Variants in ST3GAL3 observed in about 807,000 individuals in gnomAD.
ST3GAL3 encodes the protein CMP-N-acetylneuraminate-beta-1,4-galactoside alpha-2,3-sialyltransferase.
In ST3GAL3, 21 loss-of-function variants were observed where a neutral mutation model predicts 50.1. The observed-to-expected ratio is 0.42, with a 90% CI of 0.30 to 0.60. The LOEUF is 0.60. ST3GAL3 is among the 20% of genes least tolerant of loss of function. The pLI, the probability that ST3GAL3 is intolerant of heterozygous loss-of-function variation, is 0.19. For missense variants in ST3GAL3, 353 were observed against 489.4 expected (o/e 0.72, Z 2.63); for synonymous variants, 183 against 190.0 (o/e 0.96, Z 0.30).
rs911794195 is a variant in ST3GAL3 at position 43,733,865 on chromosome 1, C to T, written c.-30-2368C>T. Among the ~76,000 whole-genome samples, 106 of 152,346 alleles carry T rather than the reference C, an allele frequency of 7.0e-4. 2 individuals carry two copies. Among genetic ancestry groups the T allele is most frequent in the African/African-American group, 2.5e-3 (105 of 41,574 alleles). ...GCGTGGTGGCTCACGCCTGTAATCC[C>T]AGCACTTTGGGAGGCCGAGGTGGGT... On this transcript the variant is annotated intron_variant, in intron 1 of 11. Transcript: ENST00000347631.
At chr1:43,780,914 A>G (rs1699163699) in intron 2 of ST3GAL3, among the ~76,000 whole-genome samples, 2 of 152,018 alleles carry the variant, frequency 1.3e-5, no homozygotes, top group Non-Finnish European at 1.5e-5. Flanking sequence ...ACTTTCCTCT[A>G]ATGCCTCAAA....
intron 1 of ST3GAL3, among the ~76,000 whole-genome samples, chr1:43,729,269 T>C (rs888977821): frequency 6.6e-6 from 1 of 151,864 alleles, no homozygotes; most frequent in African/African-American, 2.4e-5. Context: ...AGACAATTTT[T>C]TGTAAAGACT....
chr1:43,868,856 A>G (rs1484861937), intron 5 of ST3GAL3, among the ~76,000 whole-genome samples: 1 of 152,156 alleles, frequency 6.6e-6, no homozygotes, highest in Non-Finnish European at 1.5e-5. Flanking sequence ...AGATGGAAAT[A>G]GTCTCCCACA....
At chr1:43,762,650 T>C (rs1690969064) in intron 2 of ST3GAL3, among the ~76,000 whole-genome samples, 1 of 152,200 alleles carries the variant, frequency 6.6e-6, no homozygotes, top group Non-Finnish European at 1.5e-5. Context: ...TGTCTGTGTG[T>C]ATCTCCATAG....
At chr1:43,816,096 A>C (rs1430819581) in intron 4 of ST3GAL3, among the ~76,000 whole-genome samples, 3 of 152,166 alleles carry the variant, frequency 2.0e-5, no homozygotes, top group Non-Finnish European at 2.9e-5. Flanking sequence ...TTCTATTGTT[A>C]GTCATCTTTG....
At chr1:43,893,017 A>C (rs1447069674) in intron 5 of ST3GAL3, among the ~76,000 whole-genome samples, 1 of 152,208 alleles carries the variant, frequency 6.6e-6, no homozygotes, top group African/African-American at 2.4e-5. Context: ...GCTGGGACCC[A>C]ACTCAGAGCT....
At chr1:43,911,656 G>T (rs2080928531) in intron 9 of ST3GAL3, among the ~76,000 whole-genome samples, 4 of 144,392 alleles carry the variant, frequency 2.8e-5, no homozygotes, top group African/African-American at 1.1e-4. Context: ...TATATCTGTA[G>T]CTATAGATAT....
intron 4 of ST3GAL3, among the ~76,000 whole-genome samples, chr1:43,822,483 AC>A (rs2062235178): frequency 6.6e-6 from 1 of 152,230 alleles, no homozygotes; most frequent in Admixed American, 6.5e-5. Context: ...ATGTGAAGAC[AC>A]AAAAATATGA....
At chr1:43,884,196 G>A (rs2075608823) in intron 5 of ST3GAL3, among the ~76,000 whole-genome samples, 1 of 152,104 alleles carries the variant, frequency 6.6e-6, no homozygotes, top group Non-Finnish European at 1.5e-5. Flanking sequence ...TGTAAGATAC[G>A]GAAGCAAGAG....
At chr1:43,806,029 C>T (rs1475849915) in intron 3 of ST3GAL3, among the ~76,000 whole-genome samples, 3 of 152,092 alleles carry the variant, frequency 2.0e-5, no homozygotes, top group South Asian at 2.1e-4. Context: ...CCACCGTGCC[C>T]GGCAAGGAAT....
chr1:43,910,879 C>T (rs529529200), intron 9 of ST3GAL3, among the ~76,000 whole-genome samples: 4 of 152,324 alleles, frequency 2.6e-5, no homozygotes, highest in African/African-American at 7.2e-5. Flanking sequence ...CTGGCCACAA[C>T]CTTTGCCGTG....
At chr1:43,907,916 G>C (rs1056251444) in intron 9 of ST3GAL3, among the ~76,000 whole-genome samples, 1 of 152,012 alleles carries the variant, frequency 6.6e-6, no homozygotes, top group African/African-American at 2.4e-5. Context: ...CCTGTTTGCC[G>C]TCTGTTTCTC....
chr1:43,750,191 A>G (rs998391174), intron 2 of ST3GAL3, among the ~76,000 whole-genome samples: 13 of 152,236 alleles, frequency 8.5e-5, no homozygotes, highest in African/African-American at 3.1e-4. Context: ...AAAGATTAGC[A>G]TGCTTCAACT....
intron 4 of ST3GAL3, among the ~76,000 whole-genome samples, chr1:43,817,312 G>A (rs190890556): frequency 4.6e-5 from 7 of 151,996 alleles, no homozygotes; most frequent in Admixed American, 3.9e-4. Context: ...GATTCATTTA[G>A]CTTGCTGCTT....
chr1:43,768,360 G>A (rs1191215138), intron 2 of ST3GAL3, among the ~76,000 whole-genome samples: 1 of 152,174 alleles, frequency 6.6e-6, no homozygotes, highest in East Asian at 1.9e-4. Context: ...AGACTCACTT[G>A]AGCCCAGGTG....
At chr1:43,740,505 G>T (rs1680395749) in intron 2 of ST3GAL3, among the ~76,000 whole-genome samples, 1 of 151,924 alleles carries the variant, frequency 6.6e-6, no homozygotes, top group African/African-American at 2.4e-5. Context: ...ACTTATTTCT[G>T]CTGGGTATGG....
intron 2 of ST3GAL3, among the ~76,000 whole-genome samples, chr1:43,749,780 G>A (rs1206382581): frequency 6.6e-6 from 1 of 152,212 alleles, no homozygotes; most frequent in Non-Finnish European, 1.5e-5. Flanking sequence ...TGGGTCATGA[G>A]TGCTCTGCCC....
chr1:43,923,270 A>G (rs1314564338), intron 11 of ST3GAL3, among the ~76,000 whole-genome samples: 1 of 151,848 alleles, frequency 6.6e-6, no homozygotes, highest in African/African-American at 2.4e-5. Context: ...TCTCAAAAAA[A>G]AAAAAAAAAA....
chr1:43,762,804 G>A (rs1050085001), intron 2 of ST3GAL3, among the ~76,000 whole-genome samples: 2 of 152,160 alleles, frequency 1.3e-5, no homozygotes, highest in Non-Finnish European at 2.9e-5. Flanking sequence ...GGGTGAGACT[G>A]CTGGGGAGAG....
Sources: gnomAD v4.1 joint callset for allele counts (sites outside exome capture counted in the v4.1 genomes callset) on GRCh38, gnomAD v4.1.1 for gene constraint, MANE v1.5 for transcripts, NCBI Gene and HGNC (gene_info 2026-07-23, HGNC 2026-07-21) for gene names.